EMP2: variants seen among roughly 807,000 people sequenced by gnomAD.
The protein encoded by EMP2 is epithelial membrane protein 2.
In EMP2, 19 loss-of-function variants were observed where a neutral mutation model predicts 13.7. That is an observed-to-expected ratio of 1.38 (90% CI 0.97 to 2.03). The LOEUF is 2.03. EMP2 is among the 30% of genes most tolerant of loss of function. EMP2 has a pLI of 0.00. For synonymous variants in EMP2, 97 were observed against 84.7 expected (o/e 1.15, Z -0.80); for missense variants, 253 against 220.7 (o/e 1.15, Z -0.93).
At chr16:10,546,344 C>T (rs1026877476) in intron 2 of EMP2, 8 of 152,316 alleles carry the variant, frequency 5.3e-5, no homozygotes, top group Admixed American at 2.6e-4. Context: ...GTCTTTGGAA[C>T]AGTGTATAGG....
intron 1 of EMP2, among the ~76,000 whole-genome samples, chr16:10,562,271 A>G (rs1659451226): frequency 6.6e-6 from 1 of 152,082 alleles, no homozygotes; most frequent in Admixed American, 6.5e-5. Flanking sequence ...TTTTATCAAT[A>G]AAAGGTGGCA....
At chr16:10,533,318 G>A (rs1262281841) in intron 4 of EMP2, among the ~76,000 whole-genome samples, 1 of 152,190 alleles carries the variant, frequency 6.6e-6, no homozygotes, top group Non-Finnish European at 1.5e-5. Context: ...GATTACAGAC[G>A]TGAGCCACCG....
intron 1 of EMP2, among the ~76,000 whole-genome samples, chr16:10,558,479 G>A (rs1392457683): frequency 3.3e-5 from 1 of 30,564 alleles, no homozygotes; most frequent in African/African-American, 5.0e-4. Context: ...TTTGCTTAAA[G>A]TGTGTGTGTG....
At chr16:10,562,340 CTCT>C in intron 1 of EMP2, among the ~76,000 whole-genome samples, 1 of 41,012 alleles carries the variant, frequency 2.4e-5, no homozygotes, top group Non-Finnish European at 5.5e-5. Context: ...TGCATGTTCT[CTCT>C]CTCTCTCTCT....
chr16:10,559,987 A>T (rs187800031), intron 1 of EMP2, among the ~76,000 whole-genome samples: 11 of 152,276 alleles, frequency 7.2e-5, no homozygotes, highest in Non-Finnish European at 1.3e-4. Flanking sequence ...CTTGTTTTAC[A>T]GGTAAAGAAA....
intron 2 of EMP2, 147 bp from the exon 3 acceptor site, chr16:10,543,807 G>C: frequency 1.4e-6 from 1 of 729,122 alleles, no homozygotes; most frequent in Non-Finnish European, 2.4e-6. Context: ...TTCTAATGCA[G>C]ACTGACTCAG....
intron 1 of EMP2, among the ~76,000 whole-genome samples, chr16:10,577,002 A>G (rs1272700199): frequency 6.6e-6 from 1 of 152,190 alleles, no homozygotes. Context: ...GAGCACGGAA[A>G]TCCAGCCTCC....
Position 10,543,657 on chromosome 16 carries a change from AG to A in EMP2, c.81del (p.Trp28GlyfsTer3). 6.2e-7 allele frequency: 1 copy of A among 1,614,168 alleles called. No individual in the cohort carries two copies. The highest frequency in any genetic ancestry group is 1.1e-5 in the South Asian group (1 of 91,082). On this transcript the variant is annotated frameshift_variant and splice_region_variant, in exon 3 of 5. Transcript: ENST00000359543. LOFTEE classifies it high-confidence loss of function. ...GCAAAAAACTCATCTCCTACCCACC[AG>A]GCCTGTAACACAAAATGGAAATAGA... ...ALLFIATVDN[A>X]WWVGDEFFAD...
chr16:10,554,900 C>A (rs1596376445), intron 1 of EMP2, among the ~76,000 whole-genome samples: 1 of 152,166 alleles, frequency 6.6e-6, no homozygotes, highest in East Asian at 1.9e-4. Context: ...AGTAACCACG[C>A]CCCCTCCAGC....
chr16:10,535,727 AT>A (rs2050641997), intron 4 of EMP2, among the ~76,000 whole-genome samples: 1 of 152,084 alleles, frequency 6.6e-6, no homozygotes, highest in African/African-American at 2.4e-5. Flanking sequence ...CCCAAGTTAA[AT>A]GACAGGATTC....
chr16:10,533,072 C>T lies in EMP2; in HGVS notation c.337G>A (p.Ala113Thr), dbSNP rs147528512. 3.8e-6 allele frequency: 6 copies of T among 1,588,230 alleles called. No homozygotes were observed. The African/African-American group carries it at 8.1e-5, about 21-fold the overall frequency. Residue 113 changes from alanine (A) to threonine (T), a missense_variant, in exon 5 of 5, where the codon GCC (alanine) becomes ACC (threonine). Transcript: ENST00000359543. ...LMSCLCVMIA[A>T]SIYTDRREDI... Reference sequence around the variant, plus strand: ...TCACGCCTGTCTGTATAAATGGAGGCCGCAATCATGACACACAGACCTGTC... The same window carrying T: ...TCACGCCTGTCTGTATAAATGGAGGTCGCAATCATGACACACAGACCTGTC...
chr16:10,547,790 C>T, intron 1 of EMP2, 113 bp from the exon 2 acceptor site: 2 of 613,962 alleles, frequency 3.3e-6, no homozygotes. Context: ...AATCCTGGAA[C>T]TTTGGGAGAA....
At chr16:10,534,041 C>T (rs186952461) in intron 4 of EMP2, among the ~76,000 whole-genome samples, 1 of 151,484 alleles carries the variant, frequency 6.6e-6, no homozygotes, top group African/African-American at 2.4e-5. Context: ...CTTTAACTCA[C>T]GAGGCAGAGG....
chr16:10,542,449 C>T (rs1383730518), intron 3 of EMP2, among the ~76,000 whole-genome samples: 1 of 151,874 alleles, frequency 6.6e-6, no homozygotes, highest in Non-Finnish European at 1.5e-5. Flanking sequence ...CCTCCCCCCC[C>T]ACCAACAAAA....
intron 1 of EMP2, among the ~76,000 whole-genome samples, chr16:10,552,119 C>CTTT (rs35463309): frequency 1.8e-5 from 2 of 108,238 alleles, no homozygotes; most frequent in Non-Finnish European, 1.7e-5. Context: ...GATGCATTCC[C>CTTT]TTTTTTTTTT....
chr16:10,548,675 C>T (rs1037629259), intron 1 of EMP2, among the ~76,000 whole-genome samples: 14 of 151,874 alleles, frequency 9.2e-5, no homozygotes, highest in African/African-American at 3.4e-4. Context: ...GCCTGGGTGA[C>T]ACAGCAAGAC....
In EMP2 at chr16:10,537,980, G is replaced by A; in HGVS notation, c.264C>T (p.Arg88=). ...AFFIFVLQLF[R]LKQGERFVLT... Reference sequence around the variant, plus strand: ...GGACAAACCTCTCTCCCTGCTTCAGGCGGAAGAGCTGGAGCACGAAGATGA... The same window carrying A: ...GGACAAACCTCTCTCCCTGCTTCAGACGGAAGAGCTGGAGCACGAAGATGA... Residue 88 remains arginine, a synonymous_variant, in exon 4 of 5, where the codon CGC becomes CGT. Coordinates refer to ENST00000359543, the MANE Select transcript of EMP2 (RefSeq NM_001424.6). 1 of 1,614,098 alleles carries A rather than the reference G, an allele frequency of 6.2e-7. No homozygotes were observed. The highest frequency in any genetic ancestry group is 8.5e-7 in the Non-Finnish European group (1 of 1,180,020).
intron 1 of EMP2, among the ~76,000 whole-genome samples, chr16:10,558,258 C>A (rs1284482819): frequency 3.9e-5 from 6 of 152,098 alleles, no homozygotes; most frequent in Non-Finnish European, 7.4e-5. Flanking sequence ...AACTCCTGGC[C>A]TCAAGCCATC....
At chr16:10,567,590 G>C (rs1391328244) in intron 1 of EMP2, among the ~76,000 whole-genome samples, 1 of 152,188 alleles carries the variant, frequency 6.6e-6, no homozygotes, top group African/African-American at 2.4e-5. Flanking sequence ...TCAAGGTAAG[G>C]CCAGGTGTGG....
Sources: allele counts gnomAD v4.1 joint callset (sites outside exome capture counted in the v4.1 genomes callset), GRCh38; gene constraint gnomAD v4.1.1; transcripts MANE v1.5; gene names NCBI Gene and HGNC (gene_info 2026-07-23, HGNC 2026-07-21).